The following RIMS1 variants were observed in gnomAD, a reference collection of about 807,000 sequenced individuals.
The protein encoded by RIMS1 is regulating synaptic membrane exocytosis 1.
Under a neutral mutation model 214.1 loss-of-function variants are expected in RIMS1, and 83 were observed. That is an observed-to-expected ratio of 0.39 (90% confidence interval 0.32 to 0.47). The LOEUF is 0.47. RIMS1 is among the 20% of genes least tolerant of loss of function. The probability of loss-of-function intolerance (pLI) is 0.99; values close to 1 mark genes in which losing one functional copy is unlikely to be tolerated. For synonymous variants in RIMS1, 793 were observed against 786.8 expected (o/e 1.01, Z -0.13); for missense variants, 2,050 against 2,161.8 (o/e 0.95, Z 1.03).
intron 28 of RIMS1, among the ~76,000 whole-genome samples, chr6:72,328,460 C>T (rs2096556144): frequency 6.6e-6 from 1 of 151,376 alleles, no homozygotes; most frequent in Admixed American, 6.6e-5. Flanking sequence ...AAAAGAACTC[C>T]CCCCAAAAAA....
intron 4 of RIMS1, among the ~76,000 whole-genome samples, chr6:72,113,378 C>G (rs903426530): frequency 3.3e-5 from 5 of 151,950 alleles, no homozygotes; most frequent in African/African-American, 4.8e-5. Flanking sequence ...TGGAATATGT[C>G]TATATTTTAT....
intron 6 of RIMS1, among the ~76,000 whole-genome samples, chr6:72,219,289 C>T (rs1397202047): frequency 6.6e-6 from 1 of 152,064 alleles, no homozygotes; most frequent in Non-Finnish European, 1.5e-5. Context: ...CTTTTAAATA[C>T]TTATCATCAT....
At chr6:72,192,643 G>A (rs975207505) in intron 6 of RIMS1, among the ~76,000 whole-genome samples, 5 of 152,160 alleles carry the variant, frequency 3.3e-5, no homozygotes, top group Admixed American at 3.3e-4. Context: ...AGCTCTACGT[G>A]AGTCAGGCTA....
At chr6:71,954,241 A>G (rs1403708702) in intron 1 of RIMS1, among the ~76,000 whole-genome samples, 1 of 152,228 alleles carries the variant, frequency 6.6e-6, no homozygotes, top group Admixed American at 6.5e-5. Context: ...CTTTCAAAAT[A>G]TCAATTTTAG....
chr6:71,954,814 C>T (rs1399322015), intron 1 of RIMS1, among the ~76,000 whole-genome samples: 1 of 150,866 alleles, frequency 6.6e-6, no homozygotes, highest in East Asian at 2.0e-4. Context: ...CAACTCAAAC[C>T]AAGCTATAAA....
chr6:72,012,030 C>T (rs371239713), intron 2 of RIMS1, among the ~76,000 whole-genome samples: 9 of 152,236 alleles, frequency 5.9e-5, no homozygotes, highest in South Asian at 2.1e-4. Flanking sequence ...CACATGCACA[C>T]ATATGTTTAT....
intron 1 of RIMS1, among the ~76,000 whole-genome samples, chr6:71,950,568 A>G (rs1789150115): frequency 6.6e-6 from 1 of 152,210 alleles, no homozygotes; most frequent in Admixed American, 6.5e-5. Context: ...ATAGCAAACT[A>G]AGTCAAGATG....
intron 29 of RIMS1, among the ~76,000 whole-genome samples, chr6:72,362,456 C>T (rs552884493): frequency 2.8e-4 from 42 of 152,004 alleles, no homozygotes; most frequent in African/African-American, 9.4e-4. Flanking sequence ...GGAAAGCCCT[C>T]TTGAAGAAAA....
chr6:72,120,766 T>C (rs541949927), intron 4 of RIMS1, among the ~76,000 whole-genome samples: 5 of 152,064 alleles, frequency 3.3e-5, no homozygotes, highest in Non-Finnish European at 7.4e-5. Flanking sequence ...GGTTTTCTTC[T>C]AGGGTTTTTA....
chr6:71,954,669 C>T (rs997771597), intron 1 of RIMS1, among the ~76,000 whole-genome samples: 11 of 151,182 alleles, frequency 7.3e-5, no homozygotes, highest in Admixed American at 5.3e-4. Context: ...AGAATTTTGA[C>T]GTTTTTTAGT....
chr6:72,201,921 C>A (rs76403279), intron 6 of RIMS1, among the ~76,000 whole-genome samples: 1 of 152,158 alleles, frequency 6.6e-6, no homozygotes. Flanking sequence ...AAGCTGGATC[C>A]CTAGATACTG....
At chr6:72,062,755 G>A (rs1056319628) in intron 2 of RIMS1, among the ~76,000 whole-genome samples, 9 of 152,100 alleles carry the variant, frequency 5.9e-5, no homozygotes, top group African/African-American at 2.2e-4. Flanking sequence ...CCCTGTGGAG[G>A]CACTAGGGAC....
intron 1 of RIMS1, among the ~76,000 whole-genome samples, chr6:71,894,448 A>G (rs1229288233): frequency 6.6e-6 from 1 of 152,178 alleles, no homozygotes; most frequent in Non-Finnish European, 1.5e-5. Context: ...TCTGTCTGAA[A>G]AAAAAAAGGA....
chr6:72,059,883 T>C (rs1316473737), intron 2 of RIMS1, among the ~76,000 whole-genome samples: 1 of 152,202 alleles, frequency 6.6e-6, no homozygotes, highest in East Asian at 1.9e-4. Context: ...GAATTGGATA[T>C]GCCAAATTTC....
At chr6:72,266,222 G>A (rs1244570770) in intron 22 of RIMS1, 173 bp downstream of exon 22, 3 of 651,538 alleles carry the variant, frequency 4.6e-6, no homozygotes. Context: ...ATGCGTATGT[G>A]GATAAACCCA....
Position 71,947,320 on chromosome 6 carries a change from C to T in RIMS1, c.165-21663C>T, listed in dbSNP as rs75992595. On this transcript the variant is annotated intron_variant, in intron 1 of 33. Coordinates refer to ENST00000521978, the MANE Select transcript of RIMS1 (RefSeq NM_014989.7). Reference sequence around the variant, plus strand: ...AATCAACCTCTGTACATGAACAGATCAATGGATAAAGAAAAAGTGGTATAT... The same window carrying T: ...AATCAACCTCTGTACATGAACAGATTAATGGATAAAGAAAAAGTGGTATAT... Among the ~76,000 whole-genome samples the T allele has an allele frequency of 7.0e-3, 1,067 of 152,038 alleles. 16 individuals carry two copies. Among genetic ancestry groups the T allele is most frequent in the African/African-American group, 0.025 (1,021 of 41,488 alleles).
intron 4 of RIMS1, among the ~76,000 whole-genome samples, chr6:72,124,563 G>C (rs1022399330): frequency 6.6e-6 from 1 of 151,844 alleles, no homozygotes; most frequent in Non-Finnish European, 1.5e-5. Context: ...ATAATATCCT[G>C]CAGAGTGTTT....
chr6:71,999,289 C>T (rs1250959004), intron 2 of RIMS1, among the ~76,000 whole-genome samples: 1 of 151,716 alleles, frequency 6.6e-6, no homozygotes, highest in Non-Finnish European at 1.5e-5. Context: ...GAAAGGACTC[C>T]CAGAAGAATA....
chr6:72,363,252 A>C (rs1198606872), intron 29 of RIMS1, among the ~76,000 whole-genome samples: 2 of 152,212 alleles, frequency 1.3e-5, no homozygotes, highest in African/African-American at 2.4e-5. Flanking sequence ...ATTTTAAGGA[A>C]GTAAAAAAAG....
Sources: allele counts gnomAD v4.1 joint callset (sites outside exome capture counted in the v4.1 genomes callset), GRCh38; gene constraint gnomAD v4.1.1; transcripts MANE v1.5; gene names NCBI Gene and HGNC (gene_info 2026-07-23, HGNC 2026-07-21).